The following TTBK2 variants were observed in gnomAD, a reference collection of about 807,000 sequenced individuals.
TTBK2 encodes the protein tau tubulin kinase 2, also known as tau-tubulin kinase 2.
Under a neutral mutation model 110.8 loss-of-function variants are expected in TTBK2, and 28 were observed. The ratio of observed to expected loss-of-function variants is 0.25; its 90% CI spans 0.19 to 0.35. TTBK2 has a LOEUF of 0.35. Ranked by LOEUF, TTBK2 falls within the 10% of genes least tolerant of loss-of-function variation. The probability of loss-of-function intolerance (pLI) is 1.00; values close to 1 mark genes in which losing one functional copy is unlikely to be tolerated. For synonymous variants in TTBK2, 532 were observed against 527.3 expected, an observed-to-expected ratio of 1.01 and a Z score of -0.12; for missense variants, 1,369 against 1,500.3, an observed-to-expected ratio of 0.91 and a Z score of 1.45.
intron 1 of TTBK2, among the ~76,000 whole-genome samples, chr15:42,895,972 G>T (rs984605788): frequency 6.6e-6 from 1 of 151,992 alleles, no homozygotes; most frequent in African/African-American, 2.4e-5. Context: ...CTTTCTGTCT[G>T]TATGGATTTG....
chr15:42,873,587 T>A (rs1894699136), intron 2 of TTBK2, among the ~76,000 whole-genome samples: 1 of 152,030 alleles, frequency 6.6e-6, no homozygotes, highest in Non-Finnish European at 1.5e-5. Flanking sequence ...TTTATTCAAA[T>A]AAGAGTAAAA....
At chr15:42,880,472 G>C (rs1894996498) in intron 1 of TTBK2, among the ~76,000 whole-genome samples, 1 of 152,030 alleles carries the variant, frequency 6.6e-6, no homozygotes, top group African/African-American at 2.4e-5. Context: ...TTATATCCTT[G>C]AACTCCTGGG....
intron 3 of TTBK2, among the ~76,000 whole-genome samples, chr15:42,847,633 T>C (rs576014700): frequency 1.4e-4 from 21 of 152,360 alleles, no homozygotes; most frequent in African/African-American, 4.8e-4. Context: ...TTCATTACTT[T>C]TGTAAAAGGA....
At chr15:42,747,498 G>C (rs1284045374) in intron 14 of TTBK2, among the ~76,000 whole-genome samples, 2 of 152,182 alleles carry the variant, frequency 1.3e-5, no homozygotes, top group African/African-American at 4.8e-5. Context: ...GGATGAAAGT[G>C]TTCCACCCCA....
chr15:42,776,971 A>G (rs773923281), intron 12 of TTBK2, 60 bp downstream of exon 12: 6 of 1,521,912 alleles, frequency 3.9e-6, no homozygotes, highest in Non-Finnish European at 4.6e-6. Flanking sequence ...AATAACAACA[A>G]TGACAACAAT....
intron 1 of TTBK2, among the ~76,000 whole-genome samples, chr15:42,904,134 CAG>C (rs543720845): frequency 2.0e-4 from 30 of 152,302 alleles, no homozygotes; most frequent in African/African-American, 7.0e-4. Flanking sequence ...GATCCTGAAA[CAG>C]AGTATCCACC....
intron 3 of TTBK2, chr15:42,855,296 A>G (rs1056713214): frequency 2.6e-5 from 4 of 152,202 alleles, no homozygotes; most frequent in Non-Finnish European, 5.9e-5. Context: ...ACCTATTGAG[A>G]GAAGTGTGTT....
Position 42,757,146 on chromosome 15 carries a change from C to T in TTBK2, c.1999-3899G>A, listed in dbSNP as rs146410517. ...TTTTAGAGACAGAGTCTTGCTTTGT[C>T]GCCCAGGCTAGGTGCAGTGGTGCAA... On this transcript the variant is annotated intron_variant, in intron 13 of 14. Coordinates refer to ENST00000267890, the MANE Select transcript of TTBK2 (RefSeq NM_173500.4). Among the ~76,000 whole-genome samples the T allele has an allele frequency of 2.4e-4, 36 of 151,932 alleles. 1 individual carries two copies. In the East Asian group the frequency reaches 6.8e-3, roughly 29 times the overall value.
chr15:42,777,350 C>G, intron 11 of TTBK2, 108 bp from the exon 12 acceptor site: 1 of 1,186,666 alleles, frequency 8.4e-7, no homozygotes, highest in Non-Finnish European at 1.2e-6. Flanking sequence ...GATGTGTTTT[C>G]AGATGATTAG....
intron 12 of TTBK2, 72 bp from the exon 13 acceptor site, chr15:42,775,795 A>C (rs935699298): frequency 2.1e-5 from 26 of 1,210,180 alleles, no homozygotes; most frequent in Admixed American, 1.2e-4. Flanking sequence ...AAGCTCCATA[A>C]AGAACTAATA....
intron 3 of TTBK2, among the ~76,000 whole-genome samples, chr15:42,871,080 C>A (rs570090929): frequency 6.6e-6 from 1 of 151,964 alleles, no homozygotes; most frequent in African/African-American, 2.4e-5. Flanking sequence ...GCACCCCCAA[C>A]AAAATGAAGC....
At chr15:42,885,528 G>A (rs1228106471) in intron 1 of TTBK2, among the ~76,000 whole-genome samples, 1 of 152,188 alleles carries the variant, frequency 6.6e-6, no homozygotes, top group African/African-American at 2.4e-5. Flanking sequence ...GCATTCCCTT[G>A]GTGTTTAATC....
intron 9 of TTBK2, among the ~76,000 whole-genome samples, chr15:42,800,811 AGGG>A (rs1032194554): frequency 6.6e-6 from 1 of 150,880 alleles, no homozygotes; most frequent in East Asian, 1.9e-4. Flanking sequence ...GGCATGGGCA[AGGG>A]GGGGTCCCCA....
chr15:42,859,052 A>C (rs918682578), intron 3 of TTBK2, among the ~76,000 whole-genome samples: 3 of 151,964 alleles, frequency 2.0e-5, no homozygotes, highest in Non-Finnish European at 4.4e-5. Context: ...AGTTAACTAC[A>C]CCTAACCTGC....
chr15:42,745,881 T>G lies in TTBK2; in HGVS notation c.3649A>C (p.Lys1217Gln). The change falls in exon 15 of 15, where the codon AAA becomes CAA. Residue 1217 changes from lysine (K) to glutamine (Q), a missense_variant. Coordinates refer to ENST00000267890, the MANE Select transcript of TTBK2 (RefSeq NM_173500.4). ...TGGTGGTGGAGGCTGCCGGATCCTT[T>G]CAGGCCATTCTTGCTGGGTTTGCAA... ...EHCKPSKNGLKGSGSLHHHSA... is the reference protein window; with the variant it reads ...EHCKPSKNGLQGSGSLHHHSA... The G allele has an allele frequency of 6.2e-7, 1 of 1,614,156 alleles. No individual in the cohort carries two copies. Among genetic ancestry groups the G allele is most frequent in the Non-Finnish European group, 8.5e-7 (1 of 1,180,036 alleles).
intron 13 of TTBK2, among the ~76,000 whole-genome samples, chr15:42,759,184 A>G (rs1170188627): frequency 6.6e-6 from 1 of 152,094 alleles, no homozygotes; most frequent in Non-Finnish European, 1.5e-5. Context: ...AGGAAAACTA[A>G]CCCCTGCCAT....
chr15:42,763,584 G>A (rs188627391), intron 13 of TTBK2, among the ~76,000 whole-genome samples: 6 of 152,122 alleles, frequency 3.9e-5, no homozygotes, highest in Admixed American at 2.0e-4. Context: ...AATGATAAAC[G>A]TTTGAGATGA....
intron 1 of TTBK2, among the ~76,000 whole-genome samples, chr15:42,883,982 T>C (rs751088771): frequency 1.3e-5 from 2 of 152,192 alleles, no homozygotes; most frequent in Non-Finnish European, 2.9e-5. Flanking sequence ...TCTATTATAA[T>C]ATCTGACAGT....
rs752395021 is a variant in TTBK2, at chr15:42,801,283, T to G, written c.823-6482A>C. The stretch of plus-strand genomic sequence containing the variant: ...ATATCCAGGGCCAGCTTGACGTTCA[T>G]CAGCTCCTGGTACTCACGCAGCTGC... On this transcript the variant is annotated intron_variant, in intron 9 of 14. Coordinates refer to ENST00000267890, the MANE Select transcript of TTBK2 (RefSeq NM_173500.4). 70 of 1,540,808 alleles carry G rather than the reference T, an allele frequency of 4.5e-5. 8 individuals are homozygous for G. The highest frequency in any genetic ancestry group is 1.1e-5 in the Non-Finnish European group (13 of 1,131,368).
Sources: allele counts gnomAD v4.1 joint callset (sites outside exome capture counted in the v4.1 genomes callset), GRCh38; gene constraint gnomAD v4.1.1; transcripts MANE v1.5; gene names NCBI Gene and HGNC (gene_info 2026-07-23, HGNC 2026-07-21).